The following CPS1 variants were observed in gnomAD, a reference collection of about 807,000 sequenced individuals.
The protein encoded by CPS1 is carbamoyl-phosphate synthase 1.
In CPS1, 109 loss-of-function variants were observed where a neutral mutation model predicts 174.6. The ratio of observed to expected loss-of-function variants is 0.62; its 90% CI spans 0.53 to 0.73. The LOEUF (loss-of-function observed/expected upper bound fraction) is 0.73. Ranked by LOEUF, CPS1 falls within the 30% of genes least tolerant of loss-of-function variation. CPS1 has a pLI of 0.00. For synonymous variants in CPS1, 637 were observed against 632.0 expected, an observed-to-expected ratio of 1.01 and a Z score of -0.12; for missense variants, 1,689 against 1,821.9, an observed-to-expected ratio of 0.93 and a Z score of 1.33.
At chr2:210,616,828 T>G (rs192695266) in intron 21 of CPS1, among the ~76,000 whole-genome samples, 107 of 152,086 alleles carry the variant, frequency 7.0e-4, no homozygotes, top group Non-Finnish European at 1.0e-3. Flanking sequence ...TATACATTGA[T>G]GAACGTGTAT....
intron 24 of CPS1, among the ~76,000 whole-genome samples, chr2:210,640,604 A>G (rs1700191044): frequency 6.6e-6 from 1 of 152,204 alleles, no homozygotes; most frequent in Admixed American, 6.5e-5. Flanking sequence ...TTAAATAACC[A>G]CTAAAGATTA....
upstream of CPS1, among the ~76,000 whole-genome samples, chr2:210,554,894 C>A (rs184879522): frequency 4.4e-3 from 669 of 150,986 alleles, 5 homozygotes; most frequent in African/African-American, 0.014. Context: ...GAGATCAAGG[C>A]GTAAACTAGT....
Position 210,577,464 on chromosome 2 carries a change from A to C in CPS1, c.425A>C (p.His142Pro). The change falls in exon 4 of 38, where the codon CAC becomes CCC. Residue 142 changes from histidine to proline, a missense_variant. Coordinates refer to ENST00000233072, the MANE Select transcript of CPS1 (RefSeq NM_001875.5). ...LVLDYSKDYN[H>P]WLATKSLGQW... ...CTGGATTATAGTAAAGACTACAACCACTGGCTGGCTACCAAGAGTTTAGGG... is the reference window on the plus strand; with the variant it reads ...CTGGATTATAGTAAAGACTACAACCCCTGGCTGGCTACCAAGAGTTTAGGG... 6.2e-7 allele frequency: 1 copy of C among 1,613,930 alleles called. No individual in the cohort carries two copies.
intron 1 of CPS1, among the ~76,000 whole-genome samples, chr2:210,547,177 G>A (rs1248793898): frequency 1.3e-5 from 2 of 152,032 alleles, no homozygotes; most frequent in African/African-American, 4.8e-5. Context: ...TAAAAAAATG[G>A]TGCTAAATTG....
At chr2:210,600,073 G>T (rs770292222) in intron 14 of CPS1, among the ~76,000 whole-genome samples, 1 of 150,938 alleles carries the variant, frequency 6.6e-6, no homozygotes, top group Non-Finnish European at 1.5e-5. Flanking sequence ...AGTCTCTTTA[G>T]CTAGTTTGGG....
chr2:210,535,859 C>T (rs935521755), intron 1 of CPS1, among the ~76,000 whole-genome samples: 15 of 112,200 alleles, frequency 1.3e-4, no homozygotes, highest in Non-Finnish European at 2.2e-4. Flanking sequence ...ATTGAAACTT[C>T]CTCATTATTG....
intron 21 of CPS1, among the ~76,000 whole-genome samples, chr2:210,628,890 T>C (rs1453422398): frequency 6.6e-6 from 1 of 152,214 alleles, no homozygotes; most frequent in African/African-American, 2.4e-5. Flanking sequence ...TTTATATATT[T>C]GTTGCTTGGT....
chr2:210,483,573 G>C (rs13005638), intron 1 of CPS1, among the ~76,000 whole-genome samples: 129,793 of 152,108 alleles, frequency 0.85, 55,989 homozygotes, highest in Middle Eastern at 0.94. Context: ...GCATTTCCTC[G>C]CCCTTTTCTC....
intron 1 of CPS1, among the ~76,000 whole-genome samples, chr2:210,479,654 C>T (rs184049293): frequency 7.5e-4 from 114 of 152,300 alleles, no homozygotes; most frequent in Middle Eastern, 6.8e-3. Context: ...AGGACTTCAA[C>T]GTATGAATTT....
intron 1 of CPS1, among the ~76,000 whole-genome samples, chr2:210,534,419 C>T (rs1040948995): frequency 6.6e-6 from 1 of 152,220 alleles, no homozygotes; most frequent in Admixed American, 6.5e-5. Flanking sequence ...CCTGTAACAA[C>T]TCCTCAAAAT....
At chr2:210,517,716 A>G (rs960927439) in intron 1 of CPS1, among the ~76,000 whole-genome samples, 5 of 152,076 alleles carry the variant, frequency 3.3e-5, no homozygotes, top group Admixed American at 2.0e-4. Context: ...TTGTATCTGA[A>G]TAATCACAGC....
chr2:210,548,528 T>C (rs1384147697), intron 1 of CPS1, among the ~76,000 whole-genome samples: 1 of 152,052 alleles, frequency 6.6e-6, no homozygotes, highest in African/African-American at 2.4e-5. Context: ...GAATAAAACA[T>C]TTAATTCTTC....
intron 13 of CPS1, among the ~76,000 whole-genome samples, chr2:210,596,805 C>G (rs1698496554): frequency 6.6e-6 from 1 of 151,606 alleles, no homozygotes; most frequent in Non-Finnish European, 1.5e-5. Context: ...ATTAGAATTT[C>G]TATAGTTTTG....
intron 34 of CPS1, chr2:210,673,521 T>C (rs1325901185): frequency 6.6e-6 from 1 of 152,146 alleles, no homozygotes; most frequent in African/African-American, 2.4e-5. Flanking sequence ...AGATGGAGCA[T>C]TAGGGAAGCC....
intron 1 of CPS1, among the ~76,000 whole-genome samples, chr2:210,494,819 G>C (rs1223897187): frequency 6.6e-6 from 1 of 152,164 alleles, no homozygotes; most frequent in Non-Finnish European, 1.5e-5. Flanking sequence ...GGAAAGATTT[G>C]GAAGGCAGTG....
intron 21 of CPS1, among the ~76,000 whole-genome samples, chr2:210,625,771 A>G (rs1320074841): frequency 6.6e-6 from 1 of 152,132 alleles, no homozygotes; most frequent in South Asian, 2.1e-4. Context: ...AAGCTAGGCT[A>G]TAAGGTCCAA....
chr2:210,661,495 C>G (rs1196708074), intron 32 of CPS1, among the ~76,000 whole-genome samples: 1 of 152,160 alleles, frequency 6.6e-6, no homozygotes, highest in African/African-American at 2.4e-5. Flanking sequence ...CTAGTGACTT[C>G]AACCATAATT....
At chr2:210,639,311 G>A in intron 23 of CPS1, 96 bp downstream of exon 23, 6 of 1,054,976 alleles carry the variant, frequency 5.7e-6, no homozygotes, top group Non-Finnish European at 8.7e-6. Context: ...GGATATCTAG[G>A]TAATAAAAAA....
intron 1 of CPS1, among the ~76,000 whole-genome samples, chr2:210,536,262 A>G (rs572883835): frequency 1.4e-5 from 2 of 146,276 alleles, no homozygotes; most frequent in East Asian, 2.0e-4. Flanking sequence ...AATAACCTCA[A>G]TTTTTTTTTC....
Sources: gnomAD v4.1 joint callset for allele counts (sites outside exome capture counted in the v4.1 genomes callset) on GRCh38, gnomAD v4.1.1 for gene constraint, MANE v1.5 for transcripts, NCBI Gene and HGNC (gene_info 2026-07-23, HGNC 2026-07-21) for gene names.